Variants in COL5A1 observed in about 807,000 individuals in gnomAD.
COL5A1 encodes collagen alpha-1(V) chain.
A neutral mutation model predicts 263.7 loss-of-function variants in COL5A1; 16 were observed. That is an observed-to-expected ratio of 0.06 (90% CI 0.04 to 0.09). The LOEUF is 0.09. Among genes scored for constraint, COL5A1 ranks in the 10% least tolerant of loss-of-function variants. COL5A1 has a pLI of 1.00. For missense variants in COL5A1, 2,036 were observed against 2,540.5 expected (o/e 0.80, Z 4.27); for synonymous variants, 1,012 against 1,004.5 (o/e 1.01, Z -0.14).
intron 4 of COL5A1, among the ~76,000 whole-genome samples, chr9:134,723,189 G>A (rs372307648): frequency 2.6e-5 from 4 of 152,146 alleles, no homozygotes; most frequent in Admixed American, 2.0e-4. Flanking sequence ...AGCTCCCGAC[G>A]ACCGCCAACC....
Position 134,641,902 on chromosome 9 carries a change from A to G in COL5A1, c.-286A>G. On this transcript the variant is annotated 5_prime_UTR_variant, in exon 1 of 66. Coordinates refer to ENST00000371817, the MANE Select transcript of COL5A1 (RefSeq NM_000093.5). ...GCGGCGGCGGCGAGGAGGAGGCGAG[A>G]AGGAGTTGGAGGAGGAGGAGGAGGA... The G allele has an allele frequency of 2.6e-6, 1 of 382,674 alleles. No individual in the cohort carries two copies. Among genetic ancestry groups the G allele is most frequent in the Non-Finnish European group, 4.6e-6 (1 of 216,558 alleles). 23.7% of individuals were successfully genotyped at this position (382,674 alleles called of 1,614,324 possible).
In COL5A1 at chr9:134,677,749, C is replaced by T. The variant is rs935471449; in HGVS notation, c.110-13163C>T. On this transcript the variant is annotated intron_variant, in intron 1 of 65. Coordinates refer to ENST00000371817, the MANE Select transcript of COL5A1 (RefSeq NM_000093.5). The surrounding 1 kb of genome is among the most constrained non-coding windows in gnomAD (Gnocchi z 4.4). ...TCCCTGTTCCTCCTTCATCTCTTCACGTGTCTGTGTGTCTGTCCTTGAGTG... is the reference window on the plus strand; with the variant it reads ...TCCCTGTTCCTCCTTCATCTCTTCATGTGTCTGTGTGTCTGTCCTTGAGTG... 6.6e-6 allele frequency among the ~76,000 whole-genome samples: 1 copy of T among 152,238 alleles called. No homozygotes were observed. The highest frequency in any genetic ancestry group is 1.5e-5 in the Non-Finnish European group (1 of 68,038).
Position 134,742,963 on chromosome 9 carries a change from G to T in COL5A1, c.1494+4155G>T, listed in dbSNP as rs1835351473. Among the ~76,000 whole-genome samples the T allele has an allele frequency of 6.6e-6, 1 of 152,148 alleles. No homozygotes were observed. The highest frequency in any genetic ancestry group is 2.4e-5 in the African/African-American group (1 of 41,438). ...AGTCCCGCCTTCCATGGACTTCCAG[G>T]GCCCACACCTGCTAGCCTCGATAGA... On this transcript the variant is annotated intron_variant, in intron 11 of 65. Transcript: ENST00000371817. The surrounding 1 kb of genome is among the most constrained non-coding windows in gnomAD (Gnocchi z 4.6).
chr9:134,828,831 TCA>T (rs1201497246), intron 63 of COL5A1, among the ~76,000 whole-genome samples: 3 of 145,222 alleles, frequency 2.1e-5, no homozygotes, highest in South Asian at 2.2e-4. Flanking sequence ...ACACCACACA[TCA>T]CACAGATACA....
At chr9:134,760,179 AC>A (rs1836279519) in intron 18 of COL5A1, among the ~76,000 whole-genome samples, 1 of 115,312 alleles carries the variant, frequency 8.7e-6, no homozygotes, top group African/African-American at 3.5e-5. Flanking sequence ...ATGCACACAC[AC>A]ATACACCCCC....
chr9:134,708,839 G>C (rs1342742110), intron 4 of COL5A1: 1 of 456,648 alleles, frequency 2.2e-6, no homozygotes, highest in Admixed American at 2.3e-5. Context: ...TGTGGGCGGG[G>C]CCGTGCTCCC....
chr9:134,791,242 G>A (rs1245298640), intron 32 of COL5A1, among the ~76,000 whole-genome samples: 1 of 152,232 alleles, frequency 6.6e-6, no homozygotes, highest in Non-Finnish European at 1.5e-5. Flanking sequence ...GTTCACTGCT[G>A]CACCTGGCTG....
intron 14 of COL5A1, among the ~76,000 whole-genome samples, chr9:134,752,879 G>C (rs763002956): frequency 2.0e-5 from 3 of 152,158 alleles, no homozygotes; most frequent in Non-Finnish European, 4.4e-5. Context: ...AGTCACTTGA[G>C]GGAGTTCAGC....
intron 4 of COL5A1, among the ~76,000 whole-genome samples, chr9:134,703,739 G>A (rs1055732502): frequency 2.1e-5 from 3 of 139,908 alleles, no homozygotes; most frequent in African/African-American, 8.0e-5. Context: ...CCGGGTTCAC[G>A]CCATTCTCCT....
intron 34 of COL5A1, 75 bp downstream of exon 34, chr9:134,795,390 G>T: frequency 2.3e-6 from 3 of 1,292,188 alleles, no homozygotes; most frequent in Non-Finnish European, 2.2e-6. Flanking sequence ...GAGCGTCTGA[G>T]GGTGTCTGTG....
intron 30 of COL5A1, 141 bp from the exon 31 acceptor site, chr9:134,785,854 G>A (rs1391032463): frequency 2.6e-6 from 2 of 761,202 alleles, no homozygotes; most frequent in African/African-American, 1.7e-5. Context: ...CAGGGCTTCT[G>A]CATAATGACG....
At chr9:134,791,243 C>T (rs1837680950) in intron 32 of COL5A1, among the ~76,000 whole-genome samples, 5 of 152,218 alleles carry the variant, frequency 3.3e-5, no homozygotes, top group African/African-American at 9.6e-5. Flanking sequence ...TTCACTGCTG[C>T]ACCTGGCTGG....
At chr9:134,759,862 ACT>A (rs1442098065) in intron 18 of COL5A1, among the ~76,000 whole-genome samples, 1 of 41,242 alleles carries the variant, frequency 2.4e-5, no homozygotes, top group African/African-American at 1.5e-4. Context: ...ACACCCCCAC[ACT>A]CACACATGCA....
At position 134,821,751 on chromosome 9, in the gene COL5A1, G is replaced by A. The variant is rs1490555691; in HGVS notation, c.4555-346G>A. ...AAACAGCAAGAGGGGCCCAAGCCAG[G>A]GCCACAATGTCAGGGCAGTGGTTTC... On this transcript the variant is annotated intron_variant, in intron 58 of 65. Transcript: ENST00000371817. The surrounding 1 kb of genome is among the most constrained non-coding windows in gnomAD (Gnocchi z 4.2). Among the ~76,000 whole-genome samples, 1 of 152,224 alleles carries A rather than the reference G, an allele frequency of 6.6e-6. No individual in the cohort carries two copies. Among genetic ancestry groups the A allele is most frequent in the African/African-American group, 2.4e-5 (1 of 41,460 alleles).
rs554799517 is a variant in COL5A1 at position 134,686,472 on chromosome 9, C to T, written c.110-4440C>T. ...TTACCATGTTGCCCAGGTTGATCTC[C>T]AACTCCCGAGCTCAAGCCATCTGCC... On this transcript the variant is annotated intron_variant, in intron 1 of 65. Coordinates refer to ENST00000371817, the MANE Select transcript of COL5A1 (RefSeq NM_000093.5). The surrounding 1 kb of genome is among the most constrained non-coding windows in gnomAD (Gnocchi z 4.6). 6.6e-6 allele frequency among the ~76,000 whole-genome samples: 1 copy of T among 152,176 alleles called. No individual in the cohort carries two copies. Among genetic ancestry groups the T allele is most frequent in the Non-Finnish European group, 1.5e-5 (1 of 68,002 alleles).
rs1019102141 is a variant in COL5A1, at chr9:134,755,743, T to C, written c.1828-1022T>C. 7.2e-5 allele frequency among the ~76,000 whole-genome samples: 11 copies of C among 152,192 alleles called. No homozygotes were observed. The highest frequency in any genetic ancestry group is 1.5e-5 in the Non-Finnish European group (1 of 68,042). Reference sequence around the variant, plus strand: ...CATTTGCCCAACAGGGCGATGTCTTTTTGGGGAGCAACGGGAGCACCGACT... The same window carrying C: ...CATTTGCCCAACAGGGCGATGTCTTCTTGGGGAGCAACGGGAGCACCGACT... On this transcript the variant is annotated intron_variant, in intron 16 of 65. Coordinates refer to ENST00000371817, the MANE Select transcript of COL5A1 (RefSeq NM_000093.5). The surrounding 1 kb of genome is among the most constrained non-coding windows in gnomAD (Gnocchi z 4.1).
chr9:134,787,188 G>T (rs2132778665), intron 31 of COL5A1, among the ~76,000 whole-genome samples: 1 of 152,364 alleles, frequency 6.6e-6, no homozygotes, highest in East Asian at 1.9e-4. Context: ...GGAAAGAAGA[G>T]AAGTTTGGGA....
At chr9:134,730,124 G>A in intron 6 of COL5A1, 112 bp from the exon 7 acceptor site, 2 of 1,491,294 alleles carry the variant, frequency 1.3e-6, no homozygotes, top group Non-Finnish European at 1.8e-6. Flanking sequence ...ACAGGCCTGG[G>A]CTCCAGGCGT....
chr9:134,656,066 C>A, intron 1 of COL5A1, among the ~76,000 whole-genome samples: 1 of 152,160 alleles, frequency 6.6e-6, no homozygotes, highest in Non-Finnish European at 1.5e-5. Flanking sequence ...GGCTCACCAC[C>A]GGATGCCAGA....
Sources: allele counts gnomAD v4.1 joint callset (sites outside exome capture counted in the v4.1 genomes callset), GRCh38; gene constraint gnomAD v4.1.1; non-coding constraint Gnocchi (gnomAD v3.1); transcripts MANE v1.5; gene names NCBI Gene and HGNC (gene_info 2026-07-23, HGNC 2026-07-21).